PMVK: variants seen among roughly 807,000 people sequenced by gnomAD.
PMVK encodes testis tissue sperm-binding protein Li 95mP.
Under a neutral mutation model 19.0 loss-of-function variants are expected in PMVK, and 10 were observed. The ratio of observed to expected loss-of-function variants is 0.53; its 90% CI spans 0.32 to 0.89. The LOEUF is 0.89. Ranked by LOEUF, PMVK falls within the 40% of genes least tolerant of loss-of-function variation. PMVK has a pLI of 0.03. For synonymous variants in PMVK, 108 were observed against 101.6 expected, an observed-to-expected ratio of 1.06 and a Z score of -0.38; for missense variants, 222 against 251.1, an observed-to-expected ratio of 0.88 and a Z score of 0.78.
At chr1:154,930,964 C>T (rs1654317138) in intron 2 of PMVK, among the ~76,000 whole-genome samples, 1 of 151,986 alleles carries the variant, frequency 6.6e-6, no homozygotes, top group Non-Finnish European at 1.5e-5. Context: ...TGGCATGCAC[C>T]TGTATTCCTA....
Position 154,925,207 on chromosome 1 carries a change from G to A in PMVK, c.501C>T (p.Val167=). The A allele has an allele frequency of 6.2e-7, 1 of 1,613,666 alleles. No individual in the cohort carries two copies. Among genetic ancestry groups the A allele is most frequent in the Non-Finnish European group, 8.5e-7 (1 of 1,179,802 alleles). The stretch of plus-strand genomic sequence containing the variant: ...GCTGTTCAACTCCATGGTTCTCGAT[G>A]ACCCAGTCAAAGTCCCCGAAGTTGT... ...GLDNFGDFDW[V]IENHGVEQRL... is the part of the protein sequence containing the mutation. The change falls in exon 5 of 5, where the codon GTC becomes GTT. Residue 167 remains valine (V), a synonymous_variant. Transcript: ENST00000368467.
Position 154,925,080 on chromosome 1 carries a change from G to GCCCCCCCCCCCCCCCCC in PMVK, c.*48_*49insGGGGGGGGGGGGGGGGG. On this transcript the variant is annotated 3_prime_UTR_variant, in exon 5 of 5. Transcript: ENST00000368467. The stretch of plus-strand genomic sequence containing the variant: ...GGGACACCCCCATTTTGCAGAGTCA[G>GCCCCCCCCCCCCCCCCC]CCCCACCCCCACCTCAGCAGGCCCC... 2.1e-6 allele frequency: 3 copies of GCCCCCCCCCCCCCCCCC among 1,459,214 alleles called. No individual in the cohort carries two copies. The allele number at this position is 1,459,214 out of a possible 1,614,324, so 90.4% of individuals were successfully genotyped here.
upstream of PMVK, among the ~76,000 whole-genome samples, chr1:154,939,175 C>G (rs4845694): frequency 0.53 from 80,252 of 151,942 alleles, 22,428 homozygotes; most frequent in East Asian, 0.88. Flanking sequence ...CTTTTCCCCC[C>G]TCTCCTCCTC....
rs927858633 is a variant in PMVK, at chr1:154,926,283, G to A, written c.442+71C>T. Reference sequence around the variant, plus strand: ...ATCATCCCTTATTCACTTCCCCCAGGCCTGCCCGGTAGACAAACCACAGGG... The same window carrying A: ...ATCATCCCTTATTCACTTCCCCCAGACCTGCCCGGTAGACAAACCACAGGG... On this transcript the variant is annotated intron_variant, in intron 4 of 4. Coordinates refer to ENST00000368467, the MANE Select transcript of PMVK (RefSeq NM_006556.4). 1.1e-5 allele frequency: 16 copies of A among 1,464,374 alleles called. No individual in the cohort carries two copies. In the African/African-American group the frequency reaches 1.9e-4, roughly 18 times the overall value. The allele number at this position is 1,464,374 out of a possible 1,614,324, so 90.7% of individuals were successfully genotyped here.
intron 1 of PMVK, among the ~76,000 whole-genome samples, chr1:154,933,876 C>T (rs1654422207): frequency 1.3e-5 from 2 of 152,166 alleles, no homozygotes; most frequent in Admixed American, 6.5e-5. Context: ...TCACCACAAC[C>T]TCTGCCTCCT....
chr1:154,926,994 A>C (rs893346621), intron 3 of PMVK, among the ~76,000 whole-genome samples: 1 of 152,174 alleles, frequency 6.6e-6, no homozygotes, highest in Non-Finnish European at 1.5e-5. Context: ...ATATTTGTCC[A>C]CCTGCTCAGA....
upstream of PMVK, among the ~76,000 whole-genome samples, chr1:154,937,184 G>A (rs1237743097): frequency 6.6e-6 from 1 of 152,192 alleles, no homozygotes; most frequent in Non-Finnish European, 1.5e-5. Context: ...CCTTTTGCCT[G>A]TGCGTTATAG....
intron 4 of PMVK, 22 bp downstream of exon 4, chr1:154,926,332 C>CA: frequency 6.2e-7 from 1 of 1,608,654 alleles, no homozygotes; most frequent in Non-Finnish European, 8.5e-7. Flanking sequence ...TCCTCCTGTG[C>CA]CCTACACATA....
At chr1:154,925,692 T>C (rs1406293976) in intron 4 of PMVK, among the ~76,000 whole-genome samples, 1 of 152,234 alleles carries the variant, frequency 6.6e-6, no homozygotes, top group Non-Finnish European at 1.5e-5. Flanking sequence ...CCTCTCACTC[T>C]TTGTGACCCT....
At position 154,931,434 on chromosome 1, in the gene PMVK, A is replaced by G. The variant is rs75773121; in HGVS notation, c.159+918T>C. On this transcript the variant is annotated intron_variant, in intron 2 of 4. Coordinates refer to ENST00000368467, the MANE Select transcript of PMVK (RefSeq NM_006556.4). Reference sequence around the variant, plus strand: ...CCTGTTGACTTATTTTTTTTATTCTATTTTAACGATTCTATTTTTTTTAAT... The same window carrying G: ...CCTGTTGACTTATTTTTTTTATTCTGTTTTAACGATTCTATTTTTTTTAAT... 3.8e-3 allele frequency among the ~76,000 whole-genome samples: 581 copies of G among 152,150 alleles called. 7 individuals are homozygous for G. The highest frequency in any genetic ancestry group is 0.031 in the East Asian group (161 of 5,184).
At chr1:154,933,289 C>T (rs1337913362) in intron 1 of PMVK, among the ~76,000 whole-genome samples, 3 of 151,486 alleles carry the variant, frequency 2.0e-5, no homozygotes, top group Non-Finnish European at 2.9e-5. Context: ...TAAAATTAGC[C>T]GGACATGATG....
upstream of PMVK, chr1:154,936,787 A>C: frequency 1.8e-6 from 2 of 1,101,038 alleles, no homozygotes; most frequent in Non-Finnish European, 1.3e-6. Flanking sequence ...GAGCGGCAAC[A>C]AGGAACAATC....
At chr1:154,941,662 T>G (rs1013315950), upstream of PMVK, among the ~76,000 whole-genome samples, 2 of 152,130 alleles carry the variant, frequency 1.3e-5, no homozygotes, top group Admixed American at 6.5e-5. Flanking sequence ...AAAGGAGCAA[T>G]GTGCCTCTGA....
At chr1:154,931,923 A>G (rs1254492992) in intron 2 of PMVK, among the ~76,000 whole-genome samples, 1 of 152,110 alleles carries the variant, frequency 6.6e-6, no homozygotes, top group Non-Finnish European at 1.5e-5. Context: ...TCCTGGACTC[A>G]AGCAATCTAC....
chr1:154,935,382 C>A (rs1246400270), intron 1 of PMVK, among the ~76,000 whole-genome samples: 4 of 152,100 alleles, frequency 2.6e-5, no homozygotes, highest in Admixed American at 2.6e-4. Context: ...AGGAGAGGAG[C>A]CCCACTTTCT....
At chr1:154,927,320 T>C (rs767276762) in intron 3 of PMVK, among the ~76,000 whole-genome samples, 3 of 151,840 alleles carry the variant, frequency 2.0e-5, no homozygotes, top group African/African-American at 7.3e-5. Flanking sequence ...TGATGGCACA[T>C]GCCTGTAATC....
At chr1:154,925,872 G>A (rs1051845092) in intron 4 of PMVK, among the ~76,000 whole-genome samples, 1 of 152,218 alleles carries the variant, frequency 6.6e-6, no homozygotes, top group African/African-American at 2.4e-5. Flanking sequence ...ATTAGTAGTG[G>A]TCATACCCAT....
In PMVK at chr1:154,925,237, G is replaced by A; in HGVS notation, c.471C>T (p.Gly157=). 1 of 1,614,088 alleles carries A rather than the reference G, an allele frequency of 6.2e-7. No individual in the cohort carries two copies. The highest frequency in any genetic ancestry group is 1.6e-4 in the Middle Eastern group (1 of 6,062). Reference sequence around the variant, plus strand: ...AGTCAAAGTCCCCGAAGTTGTCCAGGCCACATTCTGACTCAGCATCGTCCA... The same window carrying A: ...AGTCAAAGTCCCCGAAGTTGTCCAGACCACATTCTGACTCAGCATCGTCCA... ...PGVDDAESEC[G]LDNFGDFDWV... Residue 157 remains glycine, a synonymous_variant, in exon 5 of 5, where the codon GGC becomes GGT. Transcript: ENST00000368467.
the PMVK span, among the ~76,000 whole-genome samples, chr1:154,941,851 C>T: frequency 6.6e-6 from 1 of 152,028 alleles, no homozygotes; most frequent in African/African-American, 2.4e-5. Flanking sequence ...CGGGGGAGAT[C>T]CTGGAGGAGG....
Sources: allele counts gnomAD v4.1 joint callset (sites outside exome capture counted in the v4.1 genomes callset), GRCh38; gene constraint gnomAD v4.1.1; transcripts MANE v1.5; gene names NCBI Gene and HGNC (gene_info 2026-07-23, HGNC 2026-07-21).